Variants in ANK3 observed in about 807,000 individuals in gnomAD.
ANK3 encodes ankyrin-3.
Under a neutral mutation model 370.9 loss-of-function variants are expected in ANK3, and 57 were observed. That is an observed-to-expected ratio of 0.15 (90% confidence interval 0.12 to 0.19). ANK3 has a LOEUF of 0.19. Ranked by LOEUF, ANK3 falls within the 10% of genes least tolerant of loss-of-function variation. ANK3 has a pLI of 1.00. For synonymous variants in ANK3, 1,929 were observed against 1,946.3 expected (o/e 0.99, Z 0.23); for missense variants, 4,439 against 5,302.1 (o/e 0.84, Z 5.06).
intron 1 of ANK3, among the ~76,000 whole-genome samples, chr10:60,674,060 G>A (rs888997091): frequency 9.2e-5 from 14 of 151,998 alleles, no homozygotes; most frequent in Admixed American, 2.6e-4. Context: ...CCTTGATTGC[G>A]GGTTCCAAAC....
At chr10:60,112,280 G>A (rs368116639) in intron 26 of ANK3, among the ~76,000 whole-genome samples, 195 of 151,190 alleles carry the variant, frequency 1.3e-3, no homozygotes, top group African/African-American at 4.1e-3. Context: ...TTCATCAAGC[G>A]TGATTCAAAA....
intron 2 of ANK3, among the ~76,000 whole-genome samples, chr10:60,521,650 C>T (rs1283124479): frequency 2.0e-5 from 3 of 151,972 alleles, no homozygotes; most frequent in Non-Finnish European, 2.9e-5. Context: ...AATTAAGCAC[C>T]CTAGTCATTT....
chr10:60,699,532 AT>A (rs2079517771), intron 1 of ANK3, among the ~76,000 whole-genome samples: 2 of 152,220 alleles, frequency 1.3e-5, no homozygotes, highest in Non-Finnish European at 1.5e-5. Flanking sequence ...CAATAAAAAA[AT>A]TCTTAGCACT....
chr10:60,591,303 T>TTTTATTTATTTATTTATTTA (rs79060296), intron 2 of ANK3, among the ~76,000 whole-genome samples: 1 of 137,562 alleles, frequency 7.3e-6, no homozygotes, highest in Non-Finnish European at 1.6e-5. Context: ...TTTATTTTTA[T>TTTTATTTATTTATTTATTTA]TTTATTTATT....
intron 2 of ANK3, among the ~76,000 whole-genome samples, chr10:60,610,736 C>A (rs1047645191): frequency 1.3e-5 from 2 of 152,174 alleles, no homozygotes; most frequent in African/African-American, 4.8e-5. Context: ...ATGGATGATT[C>A]TTCCACCTTC....
Position 60,043,313 on chromosome 10 carries a change from A to G in ANK3, c.13066-554T>C, listed in dbSNP as rs955886383. On this transcript the variant is annotated intron_variant, in intron 42 of 43. Transcript: ENST00000280772. ...GTTGTGGCACAAATACTCAGTTTTTACCCAATTTTTAACAGAAAACAAATG... is the reference window on the plus strand; with the variant it reads ...GTTGTGGCACAAATACTCAGTTTTTGCCCAATTTTTAACAGAAAACAAATG... The G allele has an allele frequency of 1.9e-5, 19 of 985,308 alleles. No individual in the cohort carries two copies. The East Asian group carries it at 1.9e-3, about 100-fold the overall frequency. The allele number at this position is 985,308 out of a possible 1,614,324, so 61.0% of individuals were successfully genotyped here.
At chr10:60,174,983 G>T (rs1298153780) in intron 18 of ANK3, among the ~76,000 whole-genome samples, 1 of 152,172 alleles carries the variant, frequency 6.6e-6, no homozygotes, top group East Asian at 1.9e-4. Context: ...GCCTCCCAAA[G>T]TGCTGGGATT....
intron 2 of ANK3, among the ~76,000 whole-genome samples, chr10:60,557,231 T>C (rs1433946292): frequency 6.6e-6 from 1 of 151,966 alleles, no homozygotes; most frequent in African/African-American, 2.4e-5. Flanking sequence ...AGGCAAAAAA[T>C]AGAAACAACC....
chr10:60,130,710 G>A (rs2094014712), intron 25 of ANK3, among the ~76,000 whole-genome samples: 1 of 152,218 alleles, frequency 6.6e-6, no homozygotes, highest in Non-Finnish European at 1.5e-5. Context: ...GTCTTGCACA[G>A]TGTATCTAGA....
intron 23 of ANK3, among the ~76,000 whole-genome samples, chr10:60,151,638 A>G (rs1203824964): frequency 6.6e-6 from 1 of 152,188 alleles, no homozygotes; most frequent in Non-Finnish European, 1.5e-5. Flanking sequence ...TGCTTCTTGT[A>G]CAGCCTGCAG....
chr10:60,620,156 C>T (rs2078316269), intron 1 of ANK3, among the ~76,000 whole-genome samples: 1 of 152,072 alleles, frequency 6.6e-6, no homozygotes, highest in Non-Finnish European at 1.5e-5. Context: ...ACCCTGTTTC[C>T]AAGGAGATCT....
chr10:60,138,812 G>A (rs1192795642), intron 24 of ANK3, 152 bp downstream of exon 24: 3 of 879,860 alleles, frequency 3.4e-6, no homozygotes, highest in Non-Finnish European at 5.1e-6. Flanking sequence ...AAATAGCAGA[G>A]CATGTGTATT....
intron 25 of ANK3, among the ~76,000 whole-genome samples, chr10:60,126,580 G>A (rs1186170245): frequency 4.6e-5 from 7 of 151,778 alleles, no homozygotes; most frequent in African/African-American, 1.7e-4. Flanking sequence ...CCTAGCTACT[G>A]GGGAGGCTGA....
chr10:60,678,092 C>T (rs2079150079), intron 1 of ANK3, among the ~76,000 whole-genome samples: 1 of 152,162 alleles, frequency 6.6e-6, no homozygotes, highest in African/African-American at 2.4e-5. Flanking sequence ...GAACAAGGCA[C>T]GGTAACTTAG....
At chr10:60,188,494 C>T (rs943778412) in intron 16 of ANK3, among the ~76,000 whole-genome samples, 2 of 152,108 alleles carry the variant, frequency 1.3e-5, no homozygotes, top group Non-Finnish European at 2.9e-5. Flanking sequence ...GAAGTATGAT[C>T]CAAATCTTGA....
At chr10:60,299,206 G>T (rs960002611) in intron 1 of ANK3, among the ~76,000 whole-genome samples, 6 of 152,024 alleles carry the variant, frequency 3.9e-5, no homozygotes, top group African/African-American at 1.4e-4. Context: ...TTGTACATAT[G>T]CAATATTGCC....
chr10:60,687,533 A>C lies in ANK3; in HGVS notation c.57+45730T>G, dbSNP rs962199362. Among the ~76,000 whole-genome samples, 527 of 68,588 alleles carry C rather than the reference A, an allele frequency of 7.7e-3. 2 individuals are homozygous for C. The highest frequency in any genetic ancestry group is 0.021 in the African/African-American group (446 of 20,898). 45.0% of individuals were successfully genotyped at this position (68,588 alleles called of 152,430 possible). ...CACATGCATTAGGCTGGTATAAAAA[A>C]AAACACACACACACACACACATGCA... On this transcript the variant is annotated intron_variant, in intron 1 of 43. Transcript: ENST00000373827.
chr10:60,395,393 G>A (rs2063196242), intron 2 of ANK3, among the ~76,000 whole-genome samples: 1 of 152,134 alleles, frequency 6.6e-6, no homozygotes, highest in African/African-American at 2.4e-5. Flanking sequence ...GAAATTAGAT[G>A]CATGACTTAC....
At chr10:60,381,038 T>C (rs567046933) in intron 1 of ANK3, among the ~76,000 whole-genome samples, 2 of 152,204 alleles carry the variant, frequency 1.3e-5, no homozygotes, top group Middle Eastern at 3.4e-3. Flanking sequence ...TTCATTCCTC[T>C]CCCAGTCCCC....
Sources: gnomAD v4.1 joint callset for allele counts (sites outside exome capture counted in the v4.1 genomes callset) on GRCh38, gnomAD v4.1.1 for gene constraint, MANE v1.5 for transcripts, NCBI Gene and HGNC (gene_info 2026-07-23, HGNC 2026-07-21) for gene names.